The following CRYL1 variants were observed in gnomAD, a reference collection of about 807,000 sequenced individuals.
CRYL1 encodes the protein lambda-crystallin homolog.
A neutral mutation model predicts 36.6 loss-of-function variants in CRYL1; 29 were observed. The ratio of observed to expected loss-of-function variants is 0.79; its 90% CI spans 0.59 to 1.08. The LOEUF (loss-of-function observed/expected upper bound fraction) is 1.08. Among genes scored for constraint, CRYL1 ranks in the 50% least tolerant of loss-of-function variants. CRYL1 has a pLI of 0.00. For missense variants in CRYL1, 411 were observed against 407.9 expected (o/e 1.01, Z -0.06); for synonymous variants, 152 against 151.5 (o/e 1.00, Z -0.02).
Position 20,481,389 on chromosome 13 carries a change from C to T in CRYL1, c.276+7981G>A, listed in dbSNP as rs2033272153. 6.6e-6 allele frequency among the ~76,000 whole-genome samples: 1 copy of T among 152,116 alleles called. No individual in the cohort carries two copies. The highest frequency in any genetic ancestry group is 2.4e-5 in the African/African-American group (1 of 41,434). On this transcript the variant is annotated intron_variant, in intron 3 of 7. Transcript: ENST00000298248. This position sits in a 1 kb window ranked among gnomAD's most constrained non-coding sequence, Gnocchi z 4.1. Reference sequence around the variant, plus strand: ...ACATAACATTCTGGAGAAGGCAAAACTATAGGGACAAAGAACAGATCAGTG... The same window carrying T: ...ACATAACATTCTGGAGAAGGCAAAATTATAGGGACAAAGAACAGATCAGTG...
intron 5 of CRYL1, among the ~76,000 whole-genome samples, chr13:20,422,484 G>A (rs1231242429): frequency 1.3e-5 from 2 of 152,144 alleles, no homozygotes; most frequent in Non-Finnish European, 2.9e-5. Flanking sequence ...CTACTCTAGA[G>A]AGAAATCATT....
At chr13:20,404,772 T>C in intron 6 of CRYL1, 31 bp from the exon 7 acceptor site, 1 of 1,435,898 alleles carries the variant, frequency 7.0e-7, no homozygotes, top group South Asian at 1.2e-5. Flanking sequence ...GAATCCACAA[T>C]CTCAGAAAAA....
chr13:20,524,023 G>T (rs1396164054), intron 1 of CRYL1, among the ~76,000 whole-genome samples: 2 of 152,168 alleles, frequency 1.3e-5, no homozygotes, highest in Admixed American at 6.5e-5. Flanking sequence ...ACTTTGGGAG[G>T]CCAAAGCGCT....
intron 1 of CRYL1, among the ~76,000 whole-genome samples, chr13:20,523,290 C>T (rs2034130785): frequency 6.6e-6 from 1 of 152,124 alleles, no homozygotes; most frequent in South Asian, 2.1e-4. Context: ...TTTCTCTCAT[C>T]CTCTTTCAAG....
chr13:20,416,123 G>A (rs1417778570), intron 5 of CRYL1, among the ~76,000 whole-genome samples: 1 of 152,186 alleles, frequency 6.6e-6, no homozygotes, highest in Non-Finnish European at 1.5e-5. Context: ...GCCTCGCCAC[G>A]CTTGGTGTCC....
In CRYL1 at chr13:20,420,703, G is replaced by GTTTTTTTTTTTT. The variant is rs2031784049; in HGVS notation, c.634-7317_634-7316insAAAAAAAAAAAA. On this transcript the variant is annotated intron_variant, in intron 5 of 7. Coordinates refer to ENST00000298248, the MANE Select transcript of CRYL1 (RefSeq NM_015974.3). ...TTGACTTTTCTTTAAAATAGAGGTT[G>GTTTTTTTTTTTT]TGTGTGTGTGTGTGTGTGTGTGTGT... Among the ~76,000 whole-genome samples, 7 of 38,770 alleles carry GTTTTTTTTTTTT rather than the reference G, an allele frequency of 1.8e-4. 1 individual carries two copies. Among genetic ancestry groups the GTTTTTTTTTTTT allele is most frequent in the Middle Eastern group, 0.014 (1 of 72 alleles). The allele number at this position is 38,770 out of a possible 152,430, so 25.4% of individuals were successfully genotyped here. A position where few individuals can be genotyped will look rare whatever the true frequency, so the allele number is the denominator to read the frequency against.
chr13:20,458,215 C>T (rs777562895), intron 3 of CRYL1, among the ~76,000 whole-genome samples: 38 of 152,276 alleles, frequency 2.5e-4, no homozygotes, highest in Middle Eastern at 3.4e-3. Flanking sequence ...CAATCATAGA[C>T]AATTCATTAA....
At chr13:20,513,029 T>G (rs1351640739) in intron 1 of CRYL1, among the ~76,000 whole-genome samples, 8 of 152,198 alleles carry the variant, frequency 5.3e-5, no homozygotes, top group Admixed American at 5.2e-4. Flanking sequence ...ATTCTATGCA[T>G]GTAACAAAAT....
chr13:20,493,098 G>A lies in CRYL1; in HGVS notation c.150-3602C>T, dbSNP rs557900680. On this transcript the variant is annotated intron_variant, in intron 2 of 7. Transcript: ENST00000298248. ...TTAGATTCCCATCTTGCACAGACTCGGGTTGGCTGTTACAATCGAAGCTCT... is the reference window on the plus strand; with the variant it reads ...TTAGATTCCCATCTTGCACAGACTCAGGTTGGCTGTTACAATCGAAGCTCT... Among the ~76,000 whole-genome samples the A allele has an allele frequency of 1.1e-4, 17 of 152,300 alleles. 1 individual carries two copies. In the South Asian group the frequency reaches 1.7e-3, roughly 15 times the overall value.
intron 5 of CRYL1, among the ~76,000 whole-genome samples, chr13:20,427,947 G>T (rs796676505): frequency 6.6e-6 from 1 of 151,536 alleles, no homozygotes; most frequent in East Asian, 1.9e-4. Context: ...CAGAAACGAC[G>T]AACCATCAAA....
intron 2 of CRYL1, among the ~76,000 whole-genome samples, chr13:20,504,198 G>A (rs2033752533): frequency 6.6e-6 from 1 of 152,224 alleles, no homozygotes; most frequent in East Asian, 1.9e-4. Context: ...ACGTGGAAAT[G>A]AGTCTAGCTC....
chr13:20,418,239 C>G (rs1429127758), intron 5 of CRYL1, among the ~76,000 whole-genome samples: 1 of 152,198 alleles, frequency 6.6e-6, no homozygotes, highest in Non-Finnish European at 1.5e-5. Flanking sequence ...ACTGGACGCT[C>G]TAGCCTGGCC....
At chr13:20,486,074 A>T (rs754975484) in intron 3 of CRYL1, among the ~76,000 whole-genome samples, 1 of 138,110 alleles carries the variant, frequency 7.2e-6, no homozygotes, top group Admixed American at 7.3e-5. Flanking sequence ...ACATGCCACC[A>T]CACCCGGCTA....
chr13:20,426,832 C>A, intron 5 of CRYL1: 1 of 985,510 alleles, frequency 1.0e-6, no homozygotes, highest in Non-Finnish European at 1.2e-6. Flanking sequence ...ATCCAGATGC[C>A]CCAGACCACA....
In CRYL1 at chr13:20,504,190, G is replaced by A. The variant is rs376530353; in HGVS notation, c.149+8253C>T. ...AGGACTAGAATGGCCCACCTGCTAC[G>A]TGGAAATGAGTCTAGCTCCAAATCT... On this transcript the variant is annotated intron_variant, in intron 2 of 7. Transcript: ENST00000298248. Among the ~76,000 whole-genome samples the A allele has an allele frequency of 8.3e-4, 127 of 152,232 alleles. 3 individuals are homozygous for A. In the South Asian group the frequency reaches 0.02, roughly 24 times the overall value.
chr13:20,413,177 A>G, intron 6 of CRYL1, 105 bp downstream of exon 6: 1 of 716,234 alleles, frequency 1.4e-6, no homozygotes. Context: ...CATCTCCTAT[A>G]TACTGTCTCT....
chr13:20,511,430 T>C (rs1184434840), intron 2 of CRYL1, among the ~76,000 whole-genome samples: 2 of 152,138 alleles, frequency 1.3e-5, no homozygotes, highest in Non-Finnish European at 2.9e-5. Flanking sequence ...TACCCTCGCA[T>C]TGACTATTTG....
intron 2 of CRYL1, among the ~76,000 whole-genome samples, chr13:20,496,684 GCAGAT>G (rs66622436): frequency 0.92 from 139,196 of 151,402 alleles, 65,209 homozygotes; most frequent in East Asian, 1. Flanking sequence ...GCCGAGGCAG[GCAGAT>G]CAGATCTCTT....
intron 4 of CRYL1, among the ~76,000 whole-genome samples, chr13:20,436,860 C>T (rs2032228760): frequency 6.6e-6 from 1 of 152,036 alleles, no homozygotes; most frequent in African/African-American, 2.4e-5. Flanking sequence ...AAACAAAGGG[C>T]CCCAAGCAGG....
Sources: gnomAD v4.1 joint callset for allele counts (sites outside exome capture counted in the v4.1 genomes callset) on GRCh38, gnomAD v4.1.1 for gene constraint, Gnocchi (gnomAD v3.1) non-coding constraint, MANE v1.5 for transcripts, NCBI Gene and HGNC (gene_info 2026-07-23, HGNC 2026-07-21) for gene names.